Variants in CADPS observed in about 807,000 individuals in gnomAD.
CADPS encodes calcium dependent secretion activator, also known as calcium-dependent secretion activator 1.
In CADPS, 57 loss-of-function variants were observed where a neutral mutation model predicts 167.3. That is an observed-to-expected ratio of 0.34 (90% CI 0.28 to 0.42). The LOEUF (loss-of-function observed/expected upper bound fraction) is 0.42, where lower values mean the gene tolerates loss of function less well. Among genes scored for constraint, CADPS ranks in the 20% least tolerant of loss-of-function variants. The pLI is 1.00. For missense variants in CADPS, 1,414 were observed against 1,738.1 expected (o/e 0.81, Z 3.32); for synonymous variants, 676 against 635.3 (o/e 1.06, Z -0.96).
chr3:62,596,800 C>G (rs1231422686), intron 6 of CADPS, among the ~76,000 whole-genome samples: 1 of 152,176 alleles, frequency 6.6e-6, no homozygotes, highest in East Asian at 1.9e-4. Flanking sequence ...AAGATTGACA[C>G]TGCCCTTTCT....
intron 3 of CADPS, among the ~76,000 whole-genome samples, chr3:62,706,078 A>G (rs2082257266): frequency 6.6e-6 from 1 of 152,034 alleles, no homozygotes. Context: ...TCGGGGTTAC[A>G]TGGCTTCTGA....
chr3:62,615,945 T>C (rs983199796), intron 6 of CADPS, among the ~76,000 whole-genome samples: 3 of 152,182 alleles, frequency 2.0e-5, no homozygotes, highest in African/African-American at 7.2e-5. Context: ...CTTCTCATGA[T>C]GGAGAAGAAC....
At chr3:62,593,189 TGGTGGGGA>T (rs1388637630) in intron 6 of CADPS, among the ~76,000 whole-genome samples, 2 of 152,158 alleles carry the variant, frequency 1.3e-5, no homozygotes, top group East Asian at 3.9e-4. Context: ...TCAACAATAG[TGGTGGGGA>T]GGTGGGGAGC....
chr3:62,812,736 C>T (rs1157769205), intron 1 of CADPS, among the ~76,000 whole-genome samples: 5 of 152,054 alleles, frequency 3.3e-5, no homozygotes, highest in African/African-American at 4.8e-5. Flanking sequence ...GATGTTGGAC[C>T]CCTTTCTGAA....
At chr3:62,736,813 T>C (rs2079071597) in intron 3 of CADPS, among the ~76,000 whole-genome samples, 1 of 152,124 alleles carries the variant, frequency 6.6e-6, no homozygotes, top group South Asian at 2.1e-4. Flanking sequence ...GGCGAACAAT[T>C]CTATTTCCGA....
chr3:62,591,682 A>G (rs1562580893), intron 7 of CADPS, among the ~76,000 whole-genome samples: 1 of 152,278 alleles, frequency 6.6e-6, no homozygotes, highest in East Asian at 1.9e-4. Context: ...TGCAGAGTCA[A>G]TGGTTCAGAT....
At chr3:62,545,543 A>G (rs1335520787) in intron 11 of CADPS, among the ~76,000 whole-genome samples, 1 of 152,190 alleles carries the variant, frequency 6.6e-6, no homozygotes, top group Non-Finnish European at 1.5e-5. Flanking sequence ...AGAACAAAAA[A>G]GTTTTAAAGG....
Position 62,413,247 on chromosome 3 carries a change from A to G in CADPS, c.3778-10062T>C, listed in dbSNP as rs13315234. The stretch of plus-strand genomic sequence containing the variant: ...CCACAACCTGAGTAAGTACCATTAT[A>G]CTTACTCAAAAGTGGAACTTTTGAG... On this transcript the variant is annotated intron_variant, in intron 28 of 29. Coordinates refer to ENST00000383710, the MANE Select transcript of CADPS (RefSeq NM_003716.4). Among the ~76,000 whole-genome samples the G allele has an allele frequency of 5.0e-3, 769 of 152,282 alleles. 5 individuals are homozygous for G. The highest frequency in any genetic ancestry group is 0.018 in the African/African-American group (744 of 41,554).
chr3:62,541,306 G>A (rs1354960434), intron 11 of CADPS, among the ~76,000 whole-genome samples: 1 of 152,244 alleles, frequency 6.6e-6, no homozygotes, highest in Non-Finnish European at 1.5e-5. Flanking sequence ...TATAGGCTCT[G>A]CAGCTAGGGC....
At chr3:62,566,119 C>T (rs983500323) in intron 9 of CADPS, among the ~76,000 whole-genome samples, 4 of 152,154 alleles carry the variant, frequency 2.6e-5, no homozygotes, top group African/African-American at 9.7e-5. Flanking sequence ...ACAAAGATTC[C>T]GTAAGTCACT....
chr3:62,427,419 AT>A (rs2052978306), intron 28 of CADPS, among the ~76,000 whole-genome samples: 1 of 152,096 alleles, frequency 6.6e-6, no homozygotes, highest in South Asian at 2.1e-4. Flanking sequence ...AAGACAAATG[AT>A]TTGTGTCAGT....
At chr3:62,571,517 A>T (rs1476867620) in intron 8 of CADPS, among the ~76,000 whole-genome samples, 1 of 152,152 alleles carries the variant, frequency 6.6e-6, no homozygotes, top group Non-Finnish European at 1.5e-5. Flanking sequence ...AGGGTTGAGA[A>T]CTACAGAGGC....
intron 28 of CADPS, among the ~76,000 whole-genome samples, chr3:62,407,339 T>C (rs561977175): frequency 2.0e-5 from 3 of 152,220 alleles, no homozygotes; most frequent in African/African-American, 7.2e-5. Flanking sequence ...CCCTTAACCA[T>C]GCAATTGTGT....
At chr3:62,607,102 G>T (rs2060795239) in intron 6 of CADPS, among the ~76,000 whole-genome samples, 2 of 152,166 alleles carry the variant, frequency 1.3e-5, no homozygotes, top group African/African-American at 4.8e-5. Flanking sequence ...ATGTTCTGTT[G>T]GTCTGTCTGC....
At chr3:62,668,375 G>A (rs904168992) in intron 3 of CADPS, among the ~76,000 whole-genome samples, 1 of 152,064 alleles carries the variant, frequency 6.6e-6, no homozygotes, top group Non-Finnish European at 1.5e-5. Context: ...GCCTTGTCGG[G>A]CACCACATCC....
intron 17 of CADPS, among the ~76,000 whole-genome samples, chr3:62,502,403 A>G (rs1235980983): frequency 2.0e-5 from 3 of 152,132 alleles, no homozygotes; most frequent in Non-Finnish European, 4.4e-5. Flanking sequence ...AAATGGAACT[A>G]AAAATATAGT....
At chr3:62,571,048 C>T (rs968701589) in intron 8 of CADPS, 110 bp from the exon 9 acceptor site, 1 of 769,748 alleles carries the variant, frequency 1.3e-6, no homozygotes, top group East Asian at 2.5e-5. Flanking sequence ...GCACATGGCT[C>T]AGGAACGGGG....
chr3:62,830,728 G>A (rs2074927380), intron 1 of CADPS, among the ~76,000 whole-genome samples: 1 of 152,084 alleles, frequency 6.6e-6, no homozygotes, highest in Non-Finnish European at 1.5e-5. Flanking sequence ...ACTGACTGAT[G>A]GGGTGTGCTG....
intron 6 of CADPS, among the ~76,000 whole-genome samples, chr3:62,606,984 A>G (rs2060781097): frequency 6.6e-6 from 1 of 152,260 alleles, no homozygotes; most frequent in Admixed American, 6.5e-5. Context: ...AAATGAGAAT[A>G]AATGACTATG....
Sources: gnomAD v4.1 joint callset for allele counts (sites outside exome capture counted in the v4.1 genomes callset) on GRCh38, gnomAD v4.1.1 for gene constraint, MANE v1.5 for transcripts, NCBI Gene and HGNC (gene_info 2026-07-23, HGNC 2026-07-21) for gene names.